Variants in DLGAP1 observed in about 807,000 individuals in gnomAD.
DLGAP1 encodes the protein disks large-associated protein 1.
In DLGAP1, 11 loss-of-function variants were observed where a neutral mutation model predicts 90.8. The observed-to-expected ratio is 0.12, with a 90% CI of 0.08 to 0.20. The LOEUF is 0.20. Among genes scored for constraint, DLGAP1 ranks in the 10% least tolerant of loss-of-function variants. The pLI is 1.00. For synonymous variants in DLGAP1, 558 were observed against 540.7 expected (o/e 1.03, Z -0.44); for missense variants, 1,050 against 1,333.8 (o/e 0.79, Z 3.31).
At chr18:4,174,137 C>T (rs1344255810) in intron 1 of DLGAP1, among the ~76,000 whole-genome samples, 2 of 151,976 alleles carry the variant, frequency 1.3e-5, no homozygotes, top group African/African-American at 4.8e-5. Context: ...GGGCATTAGT[C>T]CTAGGTGCCT....
intron 1 of DLGAP1, among the ~76,000 whole-genome samples, chr18:4,391,062 T>G (rs1021269609): frequency 1.3e-5 from 2 of 152,180 alleles, no homozygotes; most frequent in African/African-American, 4.8e-5. Context: ...TCAAGTCCAG[T>G]GTATCCTTTT....
At chr18:4,029,844 G>A (rs956802577) in intron 2 of DLGAP1, among the ~76,000 whole-genome samples, 2 of 152,088 alleles carry the variant, frequency 1.3e-5, no homozygotes, top group Admixed American at 6.5e-5. Context: ...GGCCCTCCAC[G>A]ATGGCCCTAT....
chr18:3,948,545 T>C (rs1383047329), intron 3 of DLGAP1, among the ~76,000 whole-genome samples: 2 of 152,214 alleles, frequency 1.3e-5, no homozygotes, highest in African/African-American at 2.4e-5. Flanking sequence ...CAAGCACGCA[T>C]GCCTAGGTTG....
At chr18:4,410,537 A>G (rs1030404784) in intron 1 of DLGAP1, among the ~76,000 whole-genome samples, 5 of 152,170 alleles carry the variant, frequency 3.3e-5, no homozygotes, top group Non-Finnish European at 5.9e-5. Flanking sequence ...ATGAAAGTAT[A>G]AAACTATATA....
chr18:4,399,399 T>C (rs1223615853), intron 1 of DLGAP1, among the ~76,000 whole-genome samples: 1 of 152,242 alleles, frequency 6.6e-6, no homozygotes, highest in African/African-American at 2.4e-5. Flanking sequence ...ATTACATTTA[T>C]TTAAAAAATC....
At chr18:4,198,965 G>C (rs572551953) in intron 1 of DLGAP1, among the ~76,000 whole-genome samples, 1 of 152,330 alleles carries the variant, frequency 6.6e-6, no homozygotes, top group Non-Finnish European at 1.5e-5. Flanking sequence ...TGGGTGGAGG[G>C]CCAGCAAGAG....
intron 1 of DLGAP1, among the ~76,000 whole-genome samples, chr18:4,304,160 G>C (rs558579817): frequency 6.6e-6 from 1 of 152,306 alleles, no homozygotes; most frequent in South Asian, 2.1e-4. Flanking sequence ...TGAGAAATTA[G>C]TGTTTAGTGG....
intron 1 of DLGAP1, among the ~76,000 whole-genome samples, chr18:4,275,744 C>A (rs2079397527): frequency 6.6e-6 from 1 of 152,038 alleles, no homozygotes; most frequent in South Asian, 2.1e-4. Context: ...TTTATGTGTT[C>A]ACTGCTCTCA....
In DLGAP1 at chr18:3,601,093, T is replaced by G. The variant is rs546132689; in HGVS notation, c.1592-18845A>C. On this transcript the variant is annotated intron_variant, in intron 7 of 12. Transcript: ENST00000315677. ...AGATATATAGATAGATATATAGATA[T>G]ATATATTTTTTGAGACAGAGTCTCA... Among the ~76,000 whole-genome samples the G allele has an allele frequency of 6.4e-4, 96 of 150,268 alleles. 1 individual carries two copies. The highest frequency in any genetic ancestry group is 1.6e-3 in the African/African-American group (67 of 41,022).
chr18:3,605,429 A>G (rs1244577511), intron 7 of DLGAP1, among the ~76,000 whole-genome samples: 1 of 152,200 alleles, frequency 6.6e-6, no homozygotes, highest in Non-Finnish European at 1.5e-5. Context: ...GCAGTCAGTA[A>G]ATATTTCTTG....
chr18:4,074,718 T>C (rs1203568941), intron 2 of DLGAP1, among the ~76,000 whole-genome samples: 1 of 152,146 alleles, frequency 6.6e-6, no homozygotes, highest in African/African-American at 2.4e-5. Context: ...ACCAATACCG[T>C]AAACTCCTAA....
chr18:3,874,388 G>A, intron 4 of DLGAP1: 3 of 1,456,244 alleles, frequency 2.1e-6, no homozygotes, highest in Non-Finnish European at 2.7e-6. Flanking sequence ...AAAATACACT[G>A]TTTGAAGGGA....
chr18:3,661,873 C>T (rs2059696602), intron 7 of DLGAP1, among the ~76,000 whole-genome samples: 1 of 152,064 alleles, frequency 6.6e-6, no homozygotes, highest in African/African-American at 2.4e-5. Flanking sequence ...TTAGCCACTG[C>T]TCCCGGCCAG....
intron 12 of DLGAP1, 47 bp downstream of exon 12, chr18:3,502,446 T>C (rs1328585244): frequency 1.2e-6 from 2 of 1,612,750 alleles, no homozygotes; most frequent in Admixed American, 1.7e-5. Context: ...CTGTCCAGTG[T>C]TTGTGCAGGT....
intron 1 of DLGAP1, among the ~76,000 whole-genome samples, chr18:4,318,674 T>C (rs1481145315): frequency 6.6e-6 from 1 of 152,226 alleles, no homozygotes; most frequent in East Asian, 1.9e-4. Context: ...TCATTTTCTA[T>C]TTGCAACTTC....
At chr18:3,872,836 G>A (rs2070836304) in intron 4 of DLGAP1, among the ~76,000 whole-genome samples, 1 of 152,122 alleles carries the variant, frequency 6.6e-6, no homozygotes. Context: ...ATGGAAAAAG[G>A]GGAAACGAAA....
intron 1 of DLGAP1, among the ~76,000 whole-genome samples, chr18:4,356,368 T>A (rs1035837251): frequency 6.6e-6 from 1 of 152,128 alleles, no homozygotes; most frequent in African/African-American, 2.4e-5. Flanking sequence ...ACTGCAAATC[T>A]CTACATAGAT....
At chr18:3,965,478 G>T (rs1821430256) in intron 3 of DLGAP1, among the ~76,000 whole-genome samples, 1 of 152,154 alleles carries the variant, frequency 6.6e-6, no homozygotes, top group African/African-American at 2.4e-5. Context: ...GTATGAATTT[G>T]TCACTGATTG....
chr18:3,969,435 A>G (rs755207658), intron 3 of DLGAP1, among the ~76,000 whole-genome samples: 12 of 152,208 alleles, frequency 7.9e-5, no homozygotes, highest in Non-Finnish European at 1.8e-4. Context: ...TGAGTGTATT[A>G]CACCGCTGAC....
Sources: allele counts gnomAD v4.1 joint callset (sites outside exome capture counted in the v4.1 genomes callset), GRCh38; gene constraint gnomAD v4.1.1; transcripts MANE v1.5; gene names NCBI Gene and HGNC (gene_info 2026-07-23, HGNC 2026-07-21).